Variants in RYR3 observed in about 807,000 individuals in gnomAD.
The protein encoded by RYR3 is ryanodine receptor 3.
In RYR3, 207 loss-of-function variants were observed where a neutral mutation model predicts 584.3. The observed-to-expected ratio is 0.35, with a 90% CI of 0.32 to 0.40. The LOEUF (loss-of-function observed/expected upper bound fraction) is 0.40. Ranked by LOEUF, RYR3 falls within the 10% of genes least tolerant of loss-of-function variation. The pLI, the probability that RYR3 is intolerant of heterozygous loss-of-function variation, is 1.00. For missense variants in RYR3, 5,616 were observed against 6,089.2 expected (o/e 0.92, Z 2.59); for synonymous variants, 2,416 against 2,248.5 (o/e 1.07, Z -2.11).
At chr15:33,832,211 T>C (rs1313048924) in intron 86 of RYR3, among the ~76,000 whole-genome samples, 5 of 151,552 alleles carry the variant, frequency 3.3e-5, no homozygotes, top group Middle Eastern at 3.4e-3. Flanking sequence ...GGAGAATCAC[T>C]TGAACCCGGG....
intron 50 of RYR3, 23 bp downstream of exon 50, chr15:33,738,613 A>T: frequency 6.2e-7 from 1 of 1,613,158 alleles, no homozygotes; most frequent in Non-Finnish European, 8.5e-7. Context: ...CTTTCTGAAC[A>T]AAAAGAGAGC....
intron 90 of RYR3, 77 bp from the exon 91 acceptor site, chr15:33,841,787 C>T (rs537935767): frequency 9.2e-5 from 132 of 1,436,686 alleles, no homozygotes. Flanking sequence ...ATCCAGATTT[C>T]TCTTTAATCT....
At chr15:33,831,783 C>T (rs747535806) in intron 86 of RYR3, among the ~76,000 whole-genome samples, 1 of 151,938 alleles carries the variant, frequency 6.6e-6, no homozygotes, top group Non-Finnish European at 1.5e-5. Context: ...GTCGGTGATA[C>T]AAGATTTTTT....
chr15:33,700,849 C>G, intron 41 of RYR3, 128 bp from the exon 42 acceptor site: 1 of 585,936 alleles, frequency 1.7e-6, no homozygotes, highest in Non-Finnish European at 3.1e-6. Context: ...CATTGGAGAA[C>G]GGTCATGTAA....
At chr15:33,586,414 G>A (rs889490721) in intron 16 of RYR3, among the ~76,000 whole-genome samples, 1 of 152,120 alleles carries the variant, frequency 6.6e-6, no homozygotes, top group Non-Finnish European at 1.5e-5. Flanking sequence ...ATGGCCAACC[G>A]TATGGGACTG....
intron 1 of RYR3, among the ~76,000 whole-genome samples, chr15:33,336,857 C>T (rs1029031466): frequency 6.0e-5 from 9 of 151,032 alleles, no homozygotes; most frequent in African/African-American, 1.7e-4. Context: ...AGATCGAGAC[C>T]GTCCTGGCTA....
At chr15:33,498,157 C>A (rs1333047428) in intron 2 of RYR3, among the ~76,000 whole-genome samples, 1 of 152,080 alleles carries the variant, frequency 6.6e-6, no homozygotes. Context: ...ATGTAATATG[C>A]AATAAGCATG....
chr15:33,360,910 G>T (rs2141006166), intron 1 of RYR3, among the ~76,000 whole-genome samples: 1 of 152,358 alleles, frequency 6.6e-6, no homozygotes, highest in African/African-American at 2.4e-5. Flanking sequence ...CTGAGCAGAG[G>T]TTGCACACCC....
At chr15:33,549,131 C>T (rs148950421) in intron 9 of RYR3, among the ~76,000 whole-genome samples, 26 of 152,144 alleles carry the variant, frequency 1.7e-4, no homozygotes, top group African/African-American at 6.3e-4. Flanking sequence ...AAGGAGCGTG[C>T]ACTTACTAAC....
chr15:33,855,153 C>G (rs115722051), intron 98 of RYR3, among the ~76,000 whole-genome samples: 1 of 151,882 alleles, frequency 6.6e-6, no homozygotes, highest in East Asian at 1.9e-4. Context: ...ACATTTAGAT[C>G]AACCAGGAGA....
intron 92 of RYR3, 66 bp from the exon 93 acceptor site, chr15:33,844,796 G>A (rs1389391120): frequency 1.6e-5 from 21 of 1,349,220 alleles, no homozygotes; most frequent in Middle Eastern, 1.8e-4. Context: ...TATAAAATAT[G>A]TGGGGAGAGC....
chr15:33,649,319 A>C, intron 31 of RYR3, 84 bp downstream of exon 31: 1 of 1,299,908 alleles, frequency 7.7e-7, no homozygotes. Flanking sequence ...CCACACCCAA[A>C]GAAGGAAACA....
chr15:33,634,689 T>C lies in RYR3; in HGVS notation c.3131T>C (p.Phe1044Ser). ...AGCCTGCGGGAAGCTGTGCGCACTT[T>C]TGTTGGTTACGGGTATAACATTGAG... ...RDSLREAVRTFVGYGYNIEPS... is the reference protein window; with the variant it reads ...RDSLREAVRTSVGYGYNIEPS... Residue 1044 changes from phenylalanine (F) to serine (S), a missense_variant, in exon 25 of 104, where the codon TTT becomes TCT. This residue lies in a region of RYR3 where 1,284 missense variants were observed against 1,344.6 expected (regional missense o/e 0.95). Transcript: ENST00000634891. The C allele has an allele frequency of 2.5e-6, 4 of 1,613,990 alleles. No homozygotes were observed. Among genetic ancestry groups the C allele is most frequent in the East Asian group, 2.2e-5 (1 of 44,884 alleles).
At position 33,707,021 on chromosome 15, in the gene RYR3, C is replaced by T. The variant is rs1219726267; in HGVS notation, c.6586C>T (p.Leu2196=). 6.2e-7 allele frequency: 1 copy of T among 1,614,000 alleles called. No individual in the cohort carries two copies. The highest frequency in any genetic ancestry group is 8.5e-7 in the Non-Finnish European group (1 of 1,179,884). The change falls in exon 43 of 104, where the codon CTG becomes TTG. Residue 2196 remains leucine (L), a synonymous_variant. Coordinates refer to ENST00000634891, the MANE Select transcript of RYR3 (RefSeq NM_001036.6). ...GAACCCCATTGAAGGGGAACGCTAC[C>T]TGTCCTTCCTGAGGTTTGCTGTCTT... ...GWNPIEGERY[L]SFLRFAVFVN...
chr15:33,807,826 C>G (rs1415637188), intron 70 of RYR3: 2 of 534,956 alleles, frequency 3.7e-6, no homozygotes, highest in Non-Finnish European at 6.7e-6. Flanking sequence ...CTGCTCCCTT[C>G]TCCAGCTGCC....
intron 95 of RYR3, 80 bp downstream of exon 95, chr15:33,853,167 A>G: frequency 8.5e-7 from 1 of 1,179,708 alleles, no homozygotes; most frequent in South Asian, 1.6e-5. Flanking sequence ...ACATACAAAC[A>G]TGAGTAAATG....
intron 19 of RYR3, among the ~76,000 whole-genome samples, chr15:33,618,060 T>G (rs1481846792): frequency 1.3e-5 from 2 of 152,096 alleles, no homozygotes; most frequent in Non-Finnish European, 2.9e-5. Context: ...GCCAGGAAGC[T>G]CTTACTAAAA....
chr15:33,353,556 A>G (rs1973561611), intron 1 of RYR3, among the ~76,000 whole-genome samples: 2 of 152,170 alleles, frequency 1.3e-5, no homozygotes, highest in Admixed American at 1.3e-4. Context: ...TTTGCCCAAG[A>G]CTGTCTTGAT....
intron 43 of RYR3, among the ~76,000 whole-genome samples, chr15:33,714,086 G>T (rs570892514): frequency 6.6e-6 from 1 of 152,252 alleles, no homozygotes; most frequent in South Asian, 2.1e-4. Flanking sequence ...ATAGGTAGTA[G>T]AAAGTAAAGC....
Sources: allele counts gnomAD v4.1 joint callset (sites outside exome capture counted in the v4.1 genomes callset), GRCh38; gene constraint gnomAD v4.1.1; regional missense constraint gnomAD v4.1.1; transcripts MANE v1.5; gene names NCBI Gene and HGNC (gene_info 2026-07-23, HGNC 2026-07-21).